The following DLG2 variants were observed in gnomAD, a reference collection of about 807,000 sequenced individuals.
DLG2 encodes the protein discs large MAGUK scaffold protein 2, also known as disks large homolog 2.
DLG2 carries 45 observed loss-of-function variants against 132.5 expected under a neutral mutation model. The observed-to-expected ratio is 0.34, with a 90% CI of 0.27 to 0.44. The LOEUF is 0.44. Among genes scored for constraint, DLG2 ranks in the 20% least tolerant of loss-of-function variants. DLG2 has a pLI of 1.00. For synonymous variants in DLG2, 424 were observed against 419.6 expected (o/e 1.01, Z -0.13); for missense variants, 1,045 against 1,196.9 (o/e 0.87, Z 1.87).
intron 7 of DLG2, among the ~76,000 whole-genome samples, chr11:84,306,547 C>G (rs2098221119): frequency 1.3e-5 from 2 of 152,192 alleles, no homozygotes; most frequent in African/African-American, 2.4e-5. Flanking sequence ...ATGTAATAAT[C>G]ATTGAATCCT....
intron 10 of DLG2, among the ~76,000 whole-genome samples, chr11:84,075,289 A>T (rs1337969451): frequency 6.6e-6 from 1 of 152,160 alleles, no homozygotes; most frequent in East Asian, 1.9e-4. Flanking sequence ...TTTCTGTCCA[A>T]CAGACAGAAA....
intron 9 of DLG2, 119 bp from the exon 10 acceptor site, chr11:84,099,166 T>C: frequency 1.1e-6 from 1 of 883,410 alleles, no homozygotes; most frequent in South Asian, 1.6e-5. Flanking sequence ...CAGTCTTGTA[T>C]GCTAAATCAT....
intron 3 of DLG2, among the ~76,000 whole-genome samples, chr11:85,487,675 C>T (rs1476606048): frequency 3.3e-5 from 5 of 151,864 alleles, no homozygotes; most frequent in Non-Finnish European, 7.4e-5. Flanking sequence ...AGATGTTTGG[C>T]AGTACATAAA....
At chr11:85,445,994 T>A (rs926095061) in intron 3 of DLG2, among the ~76,000 whole-genome samples, 2 of 152,212 alleles carry the variant, frequency 1.3e-5, no homozygotes, top group African/African-American at 2.4e-5. Context: ...GCCACAAATA[T>A]GTCTGCTGAC....
At chr11:85,303,306 T>C (rs1388173350) in intron 3 of DLG2, among the ~76,000 whole-genome samples, 1 of 152,228 alleles carries the variant, frequency 6.6e-6, no homozygotes, top group Non-Finnish European at 1.5e-5. Context: ...CCCTACCATA[T>C]GTATCTTAAT....
intron 18 of DLG2, among the ~76,000 whole-genome samples, chr11:83,677,204 A>G (rs2077886914): frequency 6.6e-6 from 1 of 152,164 alleles, no homozygotes; most frequent in Non-Finnish European, 1.5e-5. Flanking sequence ...AAGAAACTAA[A>G]AATAAAATGG....
intron 6 of DLG2, among the ~76,000 whole-genome samples, chr11:84,925,314 C>T (rs2092936274): frequency 6.6e-6 from 1 of 152,054 alleles, no homozygotes. Context: ...TGTAGGTTTC[C>T]CTGTCAAGGC....
At chr11:84,552,101 A>G (rs1327244733) in intron 6 of DLG2, among the ~76,000 whole-genome samples, 1 of 152,182 alleles carries the variant, frequency 6.6e-6, no homozygotes, top group East Asian at 1.9e-4. Flanking sequence ...CCCCTGGCAC[A>G]TAGAAGAGGT....
At chr11:85,002,848 C>T (rs1456853251) in intron 6 of DLG2, among the ~76,000 whole-genome samples, 1 of 151,896 alleles carries the variant, frequency 6.6e-6, no homozygotes, top group Non-Finnish European at 1.5e-5. Context: ...TTCTCCTCAG[C>T]TCAAAACAAT....
intron 3 of DLG2, among the ~76,000 whole-genome samples, chr11:85,588,220 G>T (rs1002846572): frequency 3.3e-5 from 5 of 152,088 alleles, no homozygotes; most frequent in African/African-American, 7.2e-5. Context: ...GGTGTTTTTT[G>T]AGCTTCTTGT....
At chr11:83,589,380 C>T (rs1446826245) in intron 19 of DLG2, among the ~76,000 whole-genome samples, 1 of 145,962 alleles carries the variant, frequency 6.9e-6, no homozygotes, top group Admixed American at 6.8e-5. Flanking sequence ...ATTTCATATC[C>T]AGCCAAACTA....
intron 3 of DLG2, among the ~76,000 whole-genome samples, chr11:85,491,728 C>G (rs899400007): frequency 6.6e-5 from 10 of 152,000 alleles, no homozygotes; most frequent in Admixed American, 5.2e-4. Flanking sequence ...AACTAAAACA[C>G]TGGTTAAAGA....
intron 15 of DLG2, among the ~76,000 whole-genome samples, chr11:83,920,091 G>C (rs928967453): frequency 6.6e-6 from 1 of 152,134 alleles, no homozygotes; most frequent in African/African-American, 2.4e-5. Flanking sequence ...GGGAGCCTTC[G>C]TAAAATTTGG....
intron 18 of DLG2, among the ~76,000 whole-genome samples, chr11:83,707,428 G>T (rs2084290956): frequency 6.6e-6 from 1 of 152,226 alleles, no homozygotes; most frequent in Admixed American, 6.5e-5. Flanking sequence ...CCAGCACTTT[G>T]GGAGGCCGAG....
At chr11:84,883,789 T>C (rs2087762451) in intron 6 of DLG2, among the ~76,000 whole-genome samples, 1 of 152,264 alleles carries the variant, frequency 6.6e-6, no homozygotes, top group Middle Eastern at 3.4e-3. Flanking sequence ...CTTTCATTAC[T>C]CTCAGCAGCA....
chr11:84,815,467 T>A (rs1044166397), intron 6 of DLG2, among the ~76,000 whole-genome samples: 4 of 152,036 alleles, frequency 2.6e-5, no homozygotes, highest in Admixed American at 6.6e-5. Flanking sequence ...ACCTGCTGCA[T>A]CACCGAAGCT....
At chr11:85,482,116 C>A (rs1356029950) in intron 3 of DLG2, among the ~76,000 whole-genome samples, 1 of 151,756 alleles carries the variant, frequency 6.6e-6, no homozygotes, top group Non-Finnish European at 1.5e-5. Flanking sequence ...CTGCAGACCA[C>A]CCCTAGCACC....
At chr11:84,959,433 T>C (rs994598471) in intron 6 of DLG2, among the ~76,000 whole-genome samples, 11 of 152,186 alleles carry the variant, frequency 7.2e-5, no homozygotes, top group Non-Finnish European at 1.5e-4. Flanking sequence ...TGAAAGGGCA[T>C]GCATCTACAG....
At chr11:84,790,766 G>A (rs538822685) in intron 6 of DLG2, among the ~76,000 whole-genome samples, 8 of 152,266 alleles carry the variant, frequency 5.3e-5, no homozygotes, top group South Asian at 2.1e-4. Flanking sequence ...TTTTGTATAC[G>A]ATGAGAGACA....
Sources: gnomAD v4.1 joint callset for allele counts (sites outside exome capture counted in the v4.1 genomes callset) on GRCh38, gnomAD v4.1.1 for gene constraint, MANE v1.5 for transcripts, NCBI Gene and HGNC (gene_info 2026-07-23, HGNC 2026-07-21) for gene names.